PKIA: variants seen among roughly 807,000 people sequenced by gnomAD.
PKIA encodes cAMP-dependent protein kinase inhibitor alpha, also known as PKI-alpha.
A neutral mutation model predicts 7.6 loss-of-function variants in PKIA; 4 were observed. The observed-to-expected ratio is 0.52, with a 90% confidence interval of 0.26 to 1.20. The LOEUF (loss-of-function observed/expected upper bound fraction) is 1.20. Among genes scored for constraint, PKIA ranks in the 50% most tolerant of loss-of-function variants. The pLI is 0.13. For synonymous variants in PKIA, 21 were observed against 30.7 expected, an observed-to-expected ratio of 0.68 and a Z score of 1.04; for missense variants, 73 against 86.2, an observed-to-expected ratio of 0.85 and a Z score of 0.61.
intron 2 of PKIA, among the ~76,000 whole-genome samples, chr8:78,584,582 C>G (rs1161478070): frequency 1.3e-5 from 2 of 151,894 alleles, no homozygotes; most frequent in Non-Finnish European, 2.9e-5. Context: ...TTGGTTGATA[C>G]AAAATATTAT....
chr8:78,546,011 A>G (rs1806812232), intron 1 of PKIA, among the ~76,000 whole-genome samples: 1 of 152,154 alleles, frequency 6.6e-6, no homozygotes, highest in Non-Finnish European at 1.5e-5. Context: ...TTATTTTGTG[A>G]GCCCAGGTTT....
At chr8:78,540,871 ATAACTT>A (rs1361465368) in intron 1 of PKIA, among the ~76,000 whole-genome samples, 1 of 152,066 alleles carries the variant, frequency 6.6e-6, no homozygotes, top group Admixed American at 6.6e-5. Context: ...GGAGGCCTAT[ATAACTT>A]TAATCTATTA....
chr8:78,545,544 C>T (rs1038102453), intron 1 of PKIA, among the ~76,000 whole-genome samples: 5 of 152,082 alleles, frequency 3.3e-5, no homozygotes, highest in African/African-American at 1.2e-4. Context: ...CTAGTGTAAG[C>T]TTAGCATATT....
At chr8:78,599,688 G>A (rs1808309641) in intron 3 of PKIA, among the ~76,000 whole-genome samples, 1 of 152,004 alleles carries the variant, frequency 6.6e-6, no homozygotes. Context: ...GAGAAAGACT[G>A]TATGGGGAAT....
At chr8:78,545,259 T>C (rs1806792995) in intron 1 of PKIA, among the ~76,000 whole-genome samples, 1 of 152,180 alleles carries the variant, frequency 6.6e-6, no homozygotes, top group Non-Finnish European at 1.5e-5. Context: ...TTTGGAATCT[T>C]AGAATTTGAC....
At chr8:78,528,611 G>A (rs1017158919) in intron 1 of PKIA, among the ~76,000 whole-genome samples, 2 of 150,764 alleles carry the variant, frequency 1.3e-5, no homozygotes, top group African/African-American at 2.4e-5. Flanking sequence ...GGTCATTAAG[G>A]CCACAAGTTC....
At chr8:78,553,606 GCTTTC>G (rs748049495) in intron 1 of PKIA, among the ~76,000 whole-genome samples, 2 of 151,868 alleles carry the variant, frequency 1.3e-5, no homozygotes, top group Non-Finnish European at 2.9e-5. Flanking sequence ...CTTCTTTTTG[GCTTTC>G]CTTTATGTCT....
intron 2 of PKIA, among the ~76,000 whole-genome samples, chr8:78,584,509 G>A (rs1240192709): frequency 6.6e-6 from 1 of 152,042 alleles, no homozygotes; most frequent in African/African-American, 2.4e-5. Context: ...TTAAAGAAGT[G>A]ACATGCAATG....
At chr8:78,551,723 T>C (rs766929791) in intron 1 of PKIA, among the ~76,000 whole-genome samples, 8 of 152,030 alleles carry the variant, frequency 5.3e-5, no homozygotes, top group South Asian at 2.1e-4. Context: ...GAGAATCTGT[T>C]TCTTGGCAGA....
At chr8:78,524,913 G>A (rs899510633) in intron 1 of PKIA, among the ~76,000 whole-genome samples, 1 of 151,800 alleles carries the variant, frequency 6.6e-6, no homozygotes, top group African/African-American at 2.4e-5. Context: ...ACAACAAAAT[G>A]AACTAATACC....
At chr8:78,553,462 C>A (rs1447454313) in intron 1 of PKIA, among the ~76,000 whole-genome samples, 1 of 151,950 alleles carries the variant, frequency 6.6e-6, no homozygotes, top group Non-Finnish European at 1.5e-5. Context: ...TGGTGTCATT[C>A]TTTTTTTCTC....
chr8:78,576,750 TGA>T, intron 2 of PKIA, among the ~76,000 whole-genome samples: 1 of 151,878 alleles, frequency 6.6e-6, no homozygotes, highest in Non-Finnish European at 1.5e-5. Flanking sequence ...AGTGGCATAG[TGA>T]GATATTTTAT....
At chr8:78,518,142 T>C (rs375821116) in intron 1 of PKIA, among the ~76,000 whole-genome samples, 11 of 152,358 alleles carry the variant, frequency 7.2e-5, no homozygotes, top group Middle Eastern at 3.4e-3. Context: ...TTAGAAAGAT[T>C]TGAATTTGTT....
chr8:78,568,136 A>G (rs542620431), intron 1 of PKIA, among the ~76,000 whole-genome samples: 1 of 152,274 alleles, frequency 6.6e-6, no homozygotes, highest in South Asian at 2.1e-4. Flanking sequence ...AGATATGTGT[A>G]TGTATACTAA....
intron 1 of PKIA, among the ~76,000 whole-genome samples, chr8:78,572,116 T>C (rs1807563626): frequency 2.6e-5 from 4 of 152,084 alleles, no homozygotes; most frequent in Admixed American, 6.6e-5. Flanking sequence ...AATCACAGTG[T>C]TGGAACCTTT....
At chr8:78,536,134 C>G (rs1806515634) in intron 1 of PKIA, among the ~76,000 whole-genome samples, 1 of 152,036 alleles carries the variant, frequency 6.6e-6, no homozygotes, top group Admixed American at 6.6e-5. Flanking sequence ...AAACAAAACC[C>G]TATCAAGACT....
intron 1 of PKIA, among the ~76,000 whole-genome samples, chr8:78,531,643 C>CTAA (rs1282524479): frequency 6.6e-6 from 1 of 152,046 alleles, no homozygotes; most frequent in Admixed American, 6.6e-5. Context: ...AGTCACACAG[C>CTAA]TAATAAAGCA....
intron 2 of PKIA, among the ~76,000 whole-genome samples, chr8:78,578,072 T>C (rs1374076820): frequency 1.3e-5 from 2 of 152,016 alleles, no homozygotes; most frequent in African/African-American, 4.8e-5. Flanking sequence ...ATTTTATAGA[T>C]GACTTATAGA....
chr8:78,571,967 AAG>A (rs1324500867), intron 1 of PKIA, among the ~76,000 whole-genome samples: 2 of 152,090 alleles, frequency 1.3e-5, no homozygotes, highest in Non-Finnish European at 2.9e-5. Flanking sequence ...AGTGGAGGGA[AAG>A]AGAGATCATG....
Sources: allele counts gnomAD v4.1 joint callset (sites outside exome capture counted in the v4.1 genomes callset), GRCh38; gene constraint gnomAD v4.1.1; transcripts MANE v1.5; gene names NCBI Gene and HGNC (gene_info 2026-07-23, HGNC 2026-07-21).